The following TMEM196 variants were observed in gnomAD, a reference collection of about 807,000 sequenced individuals.
TMEM196 encodes the protein transmembrane protein 196.
TMEM196 carries 17 observed loss-of-function variants against 20.0 expected under a neutral mutation model. The ratio of observed to expected loss-of-function variants is 0.85; its 90% CI spans 0.58 to 1.27. TMEM196 has a LOEUF of 1.27. TMEM196 is among the 50% of genes most tolerant of loss of function. TMEM196 has a pLI of 0.00. For synonymous variants in TMEM196, 113 were observed against 88.9 expected, an observed-to-expected ratio of 1.27 and a Z score of -1.52; for missense variants, 267 against 223.0, an observed-to-expected ratio of 1.20 and a Z score of -1.26.
intron 1 of TMEM196, among the ~76,000 whole-genome samples, chr7:19,768,147 A>G (rs1785711418): frequency 6.6e-5 from 10 of 152,116 alleles, no homozygotes. Flanking sequence ...TATGCTCCAG[A>G]AAAATAAGCA....
In TMEM196 at chr7:19,721,980, A is replaced by T. The variant is rs1271917774; in HGVS notation, c.*148T>A. ...ATTTTAGTGGATGCTCAGGAGAGATAAATGCAAATGCAAAAACTGTTTTAT... is the reference window on the plus strand; with the variant it reads ...ATTTTAGTGGATGCTCAGGAGAGATTAATGCAAATGCAAAAACTGTTTTAT... On this transcript the variant is annotated 3_prime_UTR_variant, in exon 5 of 5. Coordinates refer to ENST00000405844, the MANE Select transcript of TMEM196 (RefSeq NM_001363562.2). 2.2e-5 allele frequency: 22 copies of T among 1,022,378 alleles called. No individual in the cohort carries two copies. The South Asian group carries it at 3.1e-4, about 15-fold the overall frequency. 63.3% of individuals were successfully genotyped at this position (1,022,378 alleles called of 1,614,324 possible).
chr7:19,725,514 T>C lies in TMEM196; in HGVS notation c.459A>G (p.Lys153=). ...SLHHSHEMAE[K]RLRAIEITDL... ...TGAGAGGAAAAGGTACAAAACTCAC[T>C]TTCTCAGCCATTTCATGAGAGTGAT... The change falls in exon 3 of 5, where the codon AAA becomes AAG. Residue 153 remains lysine (K), a splice_region_variant and synonymous_variant. Coordinates refer to ENST00000405844, the MANE Select transcript of TMEM196 (RefSeq NM_001363562.2). 6.2e-7 allele frequency: 1 copy of C among 1,602,296 alleles called. No homozygotes were observed.
At chr7:19,752,357 C>T (rs1272632546) in intron 1 of TMEM196, among the ~76,000 whole-genome samples, 1 of 152,124 alleles carries the variant, frequency 6.6e-6, no homozygotes, top group Non-Finnish European at 1.5e-5. Context: ...ACTATTGATT[C>T]CCCTCTCCTC....
chr7:19,722,030 G>A lies in TMEM196; in HGVS notation c.*98C>T. On this transcript the variant is annotated 3_prime_UTR_variant, in exon 5 of 5. Coordinates refer to ENST00000405844, the MANE Select transcript of TMEM196 (RefSeq NM_001363562.2). ...TTTTCTAGTCCTTTGGTGTCTCATT[G>A]CCTCATGAAAATCCTAAAAAGTGTT... 6.6e-7 allele frequency: 1 copy of A among 1,507,644 alleles called. No individual in the cohort carries two copies. The highest frequency in any genetic ancestry group is 9.2e-7 in the Non-Finnish European group (1 of 1,089,506). The allele number at this position is 1,507,644 out of a possible 1,614,324, so 93.4% of individuals were successfully genotyped here. A position where few individuals can be genotyped will look rare whatever the true frequency, so the allele number is the denominator to read the frequency against.
intron 1 of TMEM196, among the ~76,000 whole-genome samples, chr7:19,742,252 G>A (rs965031407): frequency 1.3e-5 from 2 of 152,048 alleles, no homozygotes; most frequent in Non-Finnish European, 2.9e-5. Flanking sequence ...TTCATGCCAT[G>A]CCTATCTAAA....
chr7:19,761,761 C>A (rs1785445081), intron 1 of TMEM196, among the ~76,000 whole-genome samples: 1 of 152,164 alleles, frequency 6.6e-6, no homozygotes, highest in Admixed American at 6.5e-5. Context: ...GAAGAAATCA[C>A]CAGACATAGC....
chr7:19,761,556 G>A (rs992326074), intron 1 of TMEM196, among the ~76,000 whole-genome samples: 7 of 152,146 alleles, frequency 4.6e-5, no homozygotes, highest in Admixed American at 4.6e-4. Context: ...ATTAACGGCA[G>A]CCATCTTGGT....
At chr7:19,735,212 G>A (rs1419670491) in intron 1 of TMEM196, among the ~76,000 whole-genome samples, 1 of 151,966 alleles carries the variant, frequency 6.6e-6, no homozygotes, top group Non-Finnish European at 1.5e-5. Flanking sequence ...AAAAAAAGAT[G>A]CAATGACAAC....
intron 1 of TMEM196, among the ~76,000 whole-genome samples, chr7:19,758,215 T>C (rs1233165953): frequency 6.6e-6 from 1 of 152,176 alleles, no homozygotes; most frequent in Non-Finnish European, 1.5e-5. Flanking sequence ...TCTTGTTGGT[T>C]TGGAAAATAT....
intron 1 of TMEM196, among the ~76,000 whole-genome samples, chr7:19,765,233 T>C (rs1410077455): frequency 6.6e-6 from 1 of 152,200 alleles, no homozygotes; most frequent in African/African-American, 2.4e-5. Flanking sequence ...CAAGTTGATC[T>C]ATTTATTTAA....
At chr7:19,726,605 G>T (rs886178008) in intron 2 of TMEM196, among the ~76,000 whole-genome samples, 3 of 151,652 alleles carry the variant, frequency 2.0e-5, no homozygotes, top group Non-Finnish European at 4.4e-5. Context: ...TCCTACTATT[G>T]GTTGAATCTC....
In TMEM196 at chr7:19,724,309, C is replaced by T; in HGVS notation, c.504G>A (p.Val168=). Residue 168 remains valine (V), a synonymous_variant, in exon 4 of 5, where the codon GTG becomes GTA. Coordinates refer to ENST00000405844, the MANE Select transcript of TMEM196 (RefSeq NM_001363562.2). ...TAGGTAACTCTGGTGTCGGGGGCAC[C>T]ACCGGGCAGCTGGGCAAGTCGGTTA... The part of the protein sequence containing the change: ...IEITDLPSCP[V]VPPTPELPTR... 6.5e-7 allele frequency: 1 copy of T among 1,550,370 alleles called. No individual in the cohort carries two copies. Among genetic ancestry groups the T allele is most frequent in the Non-Finnish European group, 8.7e-7 (1 of 1,146,874 alleles).
chr7:19,741,181 C>G (rs578118583), intron 1 of TMEM196, among the ~76,000 whole-genome samples: 1 of 152,196 alleles, frequency 6.6e-6, no homozygotes, highest in African/African-American at 2.4e-5. Flanking sequence ...CATTTCAAAC[C>G]TCATATGAAT....
intron 1 of TMEM196, among the ~76,000 whole-genome samples, chr7:19,736,339 T>G (rs1784398275): frequency 7.1e-6 from 1 of 140,084 alleles, no homozygotes; most frequent in African/African-American, 2.6e-5. Context: ...ATCCCACTTT[T>G]CTAGTGGTTC....
Position 19,753,603 on chromosome 7 carries a change from C to A in TMEM196, c.147+18947G>T, listed in dbSNP as rs148176012. Among the ~76,000 whole-genome samples, 3 of 152,304 alleles carry A rather than the reference C, an allele frequency of 2.0e-5. No homozygotes were observed. The South Asian group carries it at 6.2e-4, about 32-fold the overall frequency. On this transcript the variant is annotated intron_variant, in intron 1 of 4. Transcript: ENST00000405844. Reference sequence around the variant, plus strand: ...TTAATTTTAATATTAAAGGCATACACAATCCCCCTGCCTCTAATTCTTCAC... The same window carrying A: ...TTAATTTTAATATTAAAGGCATACAAAATCCCCCTGCCTCTAATTCTTCAC...
At chr7:19,736,803 G>A (rs1382338269) in intron 1 of TMEM196, among the ~76,000 whole-genome samples, 1 of 151,936 alleles carries the variant, frequency 6.6e-6, no homozygotes, top group Admixed American at 6.6e-5. Flanking sequence ...AAGAGTGAGA[G>A]TTGTTTGGTT....
chr7:19,726,091 T>C (rs1317821408), intron 2 of TMEM196, among the ~76,000 whole-genome samples: 1 of 152,180 alleles, frequency 6.6e-6, no homozygotes, highest in Non-Finnish European at 1.5e-5. Context: ...GATTTAAATA[T>C]TTATTTAACA....
intron 1 of TMEM196, among the ~76,000 whole-genome samples, chr7:19,765,211 C>T (rs1785581031): frequency 1.3e-5 from 2 of 152,090 alleles, no homozygotes; most frequent in South Asian, 2.1e-4. Flanking sequence ...TAGATCAGGG[C>T]ACTCTATCTC....
intron 1 of TMEM196, among the ~76,000 whole-genome samples, chr7:19,763,167 C>T (rs1472905413): frequency 6.6e-6 from 1 of 152,128 alleles, no homozygotes; most frequent in Non-Finnish European, 1.5e-5. Flanking sequence ...GATCTTAAAT[C>T]ACTAAAGCCT....
Sources: allele counts gnomAD v4.1 joint callset (sites outside exome capture counted in the v4.1 genomes callset), GRCh38; gene constraint gnomAD v4.1.1; transcripts MANE v1.5; gene names NCBI Gene and HGNC (gene_info 2026-07-23, HGNC 2026-07-21).